Variants in RAP1GAP2 observed in about 807,000 individuals in gnomAD.
RAP1GAP2 encodes RAP1 GTPase activating protein 2.
RAP1GAP2 carries 27 observed loss-of-function variants against 95.0 expected under a neutral mutation model. The ratio of observed to expected loss-of-function variants is 0.28; its 90% CI spans 0.21 to 0.39. The LOEUF (loss-of-function observed/expected upper bound fraction) is 0.39, where lower values mean the gene tolerates loss of function less well. RAP1GAP2 is among the 10% of genes least tolerant of loss of function. The probability of loss-of-function intolerance (pLI) is 1.00; values close to 1 mark genes in which losing one functional copy is unlikely to be tolerated. For synonymous variants in RAP1GAP2, 373 were observed against 380.9 expected, an observed-to-expected ratio of 0.98 and a Z score of 0.24; for missense variants, 771 against 970.0, an observed-to-expected ratio of 0.79 and a Z score of 2.72.
chr17:3,033,858 C>G lies in RAP1GAP2; in HGVS notation c.*497C>G, dbSNP rs1567924945. 1 of 152,218 alleles carries G rather than the reference C, an allele frequency of 6.6e-6. No homozygotes were observed. The highest frequency in any genetic ancestry group is 6.6e-5 in the Admixed American group (1 of 15,260). 9.4% of individuals were successfully genotyped at this position (152,218 alleles called of 1,614,324 possible). A position where few individuals can be genotyped will look rare whatever the true frequency, so the allele number is the denominator to read the frequency against. On this transcript the variant is annotated 3_prime_UTR_variant, in exon 25 of 25. Coordinates refer to ENST00000254695, the MANE Select transcript of RAP1GAP2 (RefSeq NM_015085.5). This position sits in a 1 kb window ranked among gnomAD's most constrained non-coding sequence, Gnocchi z 4.9. ...CACTCGGTGGTGGAGGCCCCATGTT[C>G]CCAGGAGCCAAGATTCGTAGCATCC... is the stretch of plus-strand genomic sequence containing the variant.
upstream of RAP1GAP2, among the ~76,000 whole-genome samples, chr17:2,791,450 A>T (rs1346247082): frequency 6.6e-6 from 1 of 152,142 alleles, no homozygotes; most frequent in East Asian, 1.9e-4. Flanking sequence ...CTCCCCAGTG[A>T]TGAGCTGAGT....
At chr17:2,949,326 G>A (rs2043826443) in intron 3 of RAP1GAP2, among the ~76,000 whole-genome samples, 1 of 152,232 alleles carries the variant, frequency 6.6e-6, no homozygotes, top group African/African-American at 2.4e-5. Flanking sequence ...CTGGCTTCCT[G>A]GTGGATGGAG....
In RAP1GAP2 at chr17:2,963,388, A is replaced by G; in HGVS notation, c.247-42A>G. 1 of 1,612,720 alleles carries G rather than the reference A, an allele frequency of 6.2e-7. No homozygotes were observed. The highest frequency in any genetic ancestry group is 1.3e-5 in the African/African-American group (1 of 74,894). On this transcript the variant is annotated intron_variant, in intron 5 of 24. Coordinates refer to ENST00000254695, the MANE Select transcript of RAP1GAP2 (RefSeq NM_015085.5). The surrounding 1 kb of genome is among the most constrained non-coding windows in gnomAD (Gnocchi z 4.8). ...GAAACAGTGGTCAGACTTTACGGGC[A>G]CTGCCGGGACTAACGGTGGCATCAT...
At chr17:2,974,889 A>G (rs2045044092) in intron 8 of RAP1GAP2, among the ~76,000 whole-genome samples, 1 of 152,200 alleles carries the variant, frequency 6.6e-6, no homozygotes, top group African/African-American at 2.4e-5. Context: ...GAAGAGAAAA[A>G]AAGGAAAGAA....
At chr17:2,836,833 T>G (rs909704182) in intron 2 of RAP1GAP2, among the ~76,000 whole-genome samples, 2 of 152,158 alleles carry the variant, frequency 1.3e-5, no homozygotes. Context: ...GCTTTGAAAA[T>G]CTCAGTAGGT....
At chr17:2,854,372 C>A (rs2072036397) in intron 2 of RAP1GAP2, among the ~76,000 whole-genome samples, 1 of 152,252 alleles carries the variant, frequency 6.6e-6, no homozygotes, top group African/African-American at 2.4e-5. Context: ...CCGTCGCCCC[C>A]AGACCCTTTG....
upstream of RAP1GAP2, among the ~76,000 whole-genome samples, chr17:2,776,606 AG>A: frequency 6.6e-6 from 1 of 151,874 alleles, no homozygotes; most frequent in East Asian, 1.9e-4. Context: ...CACAGGGACC[AG>A]GGCGCGCCCC....
intron 1 of RAP1GAP2, among the ~76,000 whole-genome samples, chr17:2,798,997 G>C (rs962708816): frequency 6.6e-6 from 1 of 152,234 alleles, no homozygotes; most frequent in African/African-American, 2.4e-5. Context: ...CTCTCTCTGG[G>C]TCTCAGTTTC....
chr17:3,005,307 TC>T lies in RAP1GAP2; in HGVS notation c.1201-59del. ...TGAGTAGCTTTGTAAGGAGCGTGGC[TC>T]CCGTAGGGGCAGCGCTCGTCTCTTC... is the stretch of plus-strand genomic sequence containing the variant. On this transcript the variant is annotated intron_variant, in intron 14 of 24. Coordinates refer to ENST00000254695, the MANE Select transcript of RAP1GAP2 (RefSeq NM_015085.5). The surrounding 1 kb of genome is among the most constrained non-coding windows in gnomAD (Gnocchi z 5.2). 1 of 1,494,826 alleles carries T rather than the reference TC, an allele frequency of 6.7e-7. No individual in the cohort carries two copies. Among genetic ancestry groups the T allele is most frequent in the South Asian group, 1.1e-5 (1 of 88,748 alleles). The allele number at this position is 1,494,826 out of a possible 1,614,324, so 92.6% of individuals were successfully genotyped here.
At chr17:2,800,443 TC>T (rs2069236960) in intron 1 of RAP1GAP2, 71 bp from the exon 2 acceptor site, 3 of 1,067,724 alleles carry the variant, frequency 2.8e-6, no homozygotes, top group Non-Finnish European at 3.9e-6. Context: ...TCCCGGGGAC[TC>T]CTCCATACAG....
chr17:2,840,233 G>A (rs1264819123), intron 2 of RAP1GAP2, among the ~76,000 whole-genome samples: 1 of 151,336 alleles, frequency 6.6e-6, no homozygotes, highest in Non-Finnish European at 1.5e-5. Flanking sequence ...GCGCGATCTC[G>A]GTTCACTGCG....
Position 2,963,382 on chromosome 17 carries a change from A to G in RAP1GAP2, c.247-48A>G, listed in dbSNP as rs1382749362. ...GACCTGGAAACAGTGGTCAGACTTT[A>G]CGGGCACTGCCGGGACTAACGGTGG... On this transcript the variant is annotated intron_variant, in intron 5 of 24. Coordinates refer to ENST00000254695, the MANE Select transcript of RAP1GAP2 (RefSeq NM_015085.5). The surrounding 1 kb of genome is among the most constrained non-coding windows in gnomAD (Gnocchi z 4.8). The G allele has an allele frequency of 2.5e-6, 4 of 1,610,422 alleles. No individual in the cohort carries two copies. Among genetic ancestry groups the G allele is most frequent in the Non-Finnish European group, 3.4e-6 (4 of 1,177,748 alleles).
At position 2,904,803 on chromosome 17, in the gene RAP1GAP2, C is replaced by T. The variant is rs1021846023; in HGVS notation, c.81-481C>T. ...CCAGGTGCCGCTGGTGGTCCAGGGA[C>T]CATACTTAGAGTAGCACTGCTTTAG... is the stretch of plus-strand genomic sequence containing the variant. On this transcript the variant is annotated intron_variant, in intron 2 of 24. Transcript: ENST00000254695. This position sits in a 1 kb window ranked among gnomAD's most constrained non-coding sequence, Gnocchi z 4.7. Among the ~76,000 whole-genome samples the T allele has an allele frequency of 1.3e-5, 2 of 152,006 alleles. No homozygotes were observed. Among genetic ancestry groups the T allele is most frequent in the African/African-American group, 4.8e-5 (2 of 41,384 alleles).
chr17:2,979,005 AT>A (rs1472081237), intron 8 of RAP1GAP2, among the ~76,000 whole-genome samples: 1 of 145,684 alleles, frequency 6.9e-6, no homozygotes, highest in Non-Finnish European at 1.5e-5. Context: ...AATAAAAAAA[AT>A]AAAAAAATTC....
intron 2 of RAP1GAP2, among the ~76,000 whole-genome samples, chr17:2,837,497 T>C (rs905960726): frequency 1.3e-5 from 2 of 151,672 alleles, no homozygotes; most frequent in African/African-American, 4.8e-5. Context: ...GCATCGGGAG[T>C]CTCTGGCCGA....
At chr17:2,893,650 T>C (rs1647276994) in intron 2 of RAP1GAP2, among the ~76,000 whole-genome samples, 2 of 152,366 alleles carry the variant, frequency 1.3e-5, no homozygotes, top group South Asian at 4.1e-4. Flanking sequence ...GAGTGGTTTC[T>C]GAAGCTGCCG....
At chr17:2,774,124 C>T (rs544847188), upstream of RAP1GAP2, among the ~76,000 whole-genome samples, 1 of 152,122 alleles carries the variant, frequency 6.6e-6, no homozygotes, top group Non-Finnish European at 1.5e-5. Context: ...CTGTTTGCAC[C>T]TGGGCAGCAG....
At chr17:2,781,423 G>A (rs2068643384) in intron 1 of RAP1GAP2, among the ~76,000 whole-genome samples, 2 of 152,252 alleles carry the variant, frequency 1.3e-5, no homozygotes, top group Admixed American at 1.3e-4. Flanking sequence ...TGGTGTGCAC[G>A]TGTGGCCTTG....
At chr17:2,838,952 T>A (rs1165791678) in intron 2 of RAP1GAP2, among the ~76,000 whole-genome samples, 1 of 152,204 alleles carries the variant, frequency 6.6e-6, no homozygotes, top group Non-Finnish European at 1.5e-5. Flanking sequence ...AATAACATTA[T>A]TCAATTTTCA....
Sources: gnomAD v4.1 joint callset for allele counts (sites outside exome capture counted in the v4.1 genomes callset) on GRCh38, gnomAD v4.1.1 for gene constraint, Gnocchi (gnomAD v3.1) non-coding constraint, MANE v1.5 for transcripts, NCBI Gene and HGNC (gene_info 2026-07-23, HGNC 2026-07-21) for gene names.